The following TLE1 variants were observed in gnomAD, a reference collection of about 807,000 sequenced individuals.
The protein encoded by TLE1 is TLE family member 1, transcriptional corepressor, also known as transducin-like enhancer protein 1.
TLE1 carries 21 observed loss-of-function variants against 89.8 expected under a neutral mutation model. The ratio of observed to expected loss-of-function variants is 0.23; its 90% CI spans 0.17 to 0.34. TLE1 has a LOEUF of 0.34. Ranked by LOEUF, TLE1 falls within the 10% of genes least tolerant of loss-of-function variation. The pLI is 1.00. For synonymous variants in TLE1, 447 were observed against 407.6 expected (o/e 1.10, Z -1.16); for missense variants, 795 against 1,031.2 (o/e 0.77, Z 3.14).
At chr9:81,666,844 C>T (rs542894589) in intron 4 of TLE1, among the ~76,000 whole-genome samples, 1 of 151,078 alleles carries the variant, frequency 6.6e-6, no homozygotes, top group South Asian at 2.1e-4. Flanking sequence ...AAGACAAAGG[C>T]CTGAAGCACT....
intron 6 of TLE1, 72 bp from the exon 7 acceptor site, chr9:81,634,373 G>C: frequency 7.8e-7 from 1 of 1,278,310 alleles, no homozygotes; most frequent in Non-Finnish European, 1.0e-6. Context: ...TGGCGATGGA[G>C]GCGGCATCCA....
At chr9:81,618,951 C>T (rs796796113) in intron 9 of TLE1, among the ~76,000 whole-genome samples, 17 of 151,810 alleles carry the variant, frequency 1.1e-4, no homozygotes, top group African/African-American at 3.6e-4. Context: ...ATACTCTCCA[C>T]ACATGGTCCC....
intron 4 of TLE1, among the ~76,000 whole-genome samples, chr9:81,684,212 G>A (rs918046430): frequency 5.4e-5 from 8 of 149,050 alleles, no homozygotes; most frequent in Middle Eastern, 3.3e-3. Context: ...CTTAAATGAC[G>A]ATAGATGTTA....
intron 12 of TLE1, chr9:81,612,420 G>T (rs1823836731): frequency 1.1e-6 from 1 of 947,092 alleles, no homozygotes; most frequent in South Asian, 4.9e-5. Flanking sequence ...CAAAGCACGG[G>T]TTTAGGAGGA....
rs1270271694 is a variant in TLE1, at chr9:81,585,488, C to T, written c.2128+17G>A. ...TGGGCCATCAACGGCCTCCAGTTTCCTTTCGGCTGAACTCACCACAGTAAG... is the reference window on the plus strand; with the variant it reads ...TGGGCCATCAACGGCCTCCAGTTTCTTTTCGGCTGAACTCACCACAGTAAG... On this transcript the variant is annotated intron_variant, in intron 18 of 19. Transcript: ENST00000376499. 2 of 1,604,468 alleles carry T rather than the reference C, an allele frequency of 1.2e-6. No homozygotes were observed. Among genetic ancestry groups the T allele is most frequent in the Admixed American group, 3.4e-5 (2 of 59,198 alleles).
intron 6 of TLE1, among the ~76,000 whole-genome samples, chr9:81,635,337 G>T (rs199561928): frequency 6.6e-6 from 1 of 152,128 alleles, no homozygotes; most frequent in East Asian, 1.9e-4. Context: ...TCCAGCCAGC[G>T]AGCCAAGCCC....
intron 4 of TLE1, among the ~76,000 whole-genome samples, chr9:81,665,953 G>A (rs779841223): frequency 1.3e-4 from 19 of 151,400 alleles, no homozygotes; most frequent in African/African-American, 4.1e-4. Flanking sequence ...CTTCAGTTCC[G>A]TCTAATTAAT....
At chr9:81,633,168 A>G (rs368220859) in intron 8 of TLE1, among the ~76,000 whole-genome samples, 180 bp downstream of exon 8, 2 of 152,190 alleles carry the variant, frequency 1.3e-5, no homozygotes, top group Admixed American at 6.6e-5. Context: ...GAACAGTCAT[A>G]TAAGAAAAAG....
At chr9:81,675,796 G>A (rs142863449) in intron 4 of TLE1, among the ~76,000 whole-genome samples, 1,707 of 145,872 alleles carry the variant, frequency 0.012, 44 homozygotes, top group African/African-American at 0.042. Context: ...CAACCCCCTG[G>A]TTCAAGTGAT....
chr9:81,588,392 T>C lies in TLE1; in HGVS notation c.1830-564A>G, dbSNP rs569780156. ...TGTATTTACTCAACCTTGCTTTCTGTGTTAGAAAGAGCCCTGCATTAGGAA... is the reference window on the plus strand; with the variant it reads ...TGTATTTACTCAACCTTGCTTTCTGCGTTAGAAAGAGCCCTGCATTAGGAA... On this transcript the variant is annotated intron_variant, in intron 16 of 19. Transcript: ENST00000376499. Among the ~76,000 whole-genome samples the C allele has an allele frequency of 8.1e-4, 123 of 152,082 alleles. 2 individuals carry two copies. The highest frequency in any genetic ancestry group is 1.1e-3 in the Non-Finnish European group (74 of 68,030).
intron 6 of TLE1, among the ~76,000 whole-genome samples, chr9:81,647,955 TTTAAC>T (rs1378334199): frequency 6.6e-6 from 1 of 152,190 alleles, no homozygotes; most frequent in Non-Finnish European, 1.5e-5. Flanking sequence ...CTGATTCTCT[TTTAAC>T]TTTTCAGTTA....
At chr9:81,663,771 C>G (rs569910215) in intron 4 of TLE1, among the ~76,000 whole-genome samples, 317 of 151,930 alleles carry the variant, frequency 2.1e-3, no homozygotes, top group Non-Finnish European at 3.5e-3. Context: ...GGACTACAGG[C>G]ACCTGCCACC....
chr9:81,632,557 G>A (rs1351647287), intron 8 of TLE1, among the ~76,000 whole-genome samples: 1 of 149,912 alleles, frequency 6.7e-6, no homozygotes, highest in Non-Finnish European at 1.5e-5. Flanking sequence ...AAACCTGTAG[G>A]TTATCCCAGC....
intron 4 of TLE1, among the ~76,000 whole-genome samples, chr9:81,681,644 C>G (rs974339662): frequency 7.2e-5 from 11 of 152,142 alleles, no homozygotes; most frequent in African/African-American, 2.7e-4. Flanking sequence ...CACAAAGTGA[C>G]TGATCAAACT....
At chr9:81,623,091 G>A (rs1825482864) in intron 8 of TLE1, among the ~76,000 whole-genome samples, 1 of 152,186 alleles carries the variant, frequency 6.6e-6, no homozygotes, top group Non-Finnish European at 1.5e-5. Context: ...GGCAGCAACA[G>A]CAAACATTCT....
intron 4 of TLE1, among the ~76,000 whole-genome samples, chr9:81,683,587 G>C (rs895223917): frequency 6.6e-6 from 1 of 152,082 alleles, no homozygotes; most frequent in African/African-American, 2.4e-5. Flanking sequence ...ACATTCAGAA[G>C]GATGTTTTTC....
chr9:81,640,396 T>C (rs1024127349), intron 6 of TLE1, among the ~76,000 whole-genome samples: 106 of 142,638 alleles, frequency 7.4e-4, no homozygotes, highest in Non-Finnish European at 1.1e-3. Flanking sequence ...TTTCAAAAAT[T>C]AAAAAAAAAA....
chr9:81,585,689 C>A, intron 17 of TLE1, 34 bp from the exon 18 acceptor site: 1 of 1,606,318 alleles, frequency 6.2e-7, no homozygotes, highest in Admixed American at 1.7e-5. Context: ...CTCATTATTC[C>A]GCCTGATACA....
rs1825128839 is a variant in TLE1 at position 81,620,716 on chromosome 9, T to C, written c.595-159A>G. 5 of 985,326 alleles carry C rather than the reference T, an allele frequency of 5.1e-6. No individual in the cohort carries two copies. The South Asian group carries it at 1.9e-4, about 37-fold the overall frequency. 61.0% of individuals were successfully genotyped at this position (985,326 alleles called of 1,614,324 possible). On this transcript the variant is annotated intron_variant, in intron 8 of 19. Transcript: ENST00000376499. ...TAAAGACTTTGATGGCAAACATATC[T>C]ACAGGTTTACACACTTAAAAGGGAG...
Sources: gnomAD v4.1 joint callset for allele counts (sites outside exome capture counted in the v4.1 genomes callset) on GRCh38, gnomAD v4.1.1 for gene constraint, MANE v1.5 for transcripts, NCBI Gene and HGNC (gene_info 2026-07-23, HGNC 2026-07-21) for gene names.